Variants in CPED1 observed in about 807,000 individuals in gnomAD.
CPED1 encodes the protein cadherin like and PC-esterase domain containing 1.
In CPED1, 114 loss-of-function variants were observed where a neutral mutation model predicts 128.2. The observed-to-expected ratio is 0.89, with a 90% CI of 0.76 to 1.04. The LOEUF (loss-of-function observed/expected upper bound fraction) is 1.04. Ranked by LOEUF, CPED1 falls within the 50% of genes least tolerant of loss-of-function variation. The pLI is 0.00. For synonymous variants in CPED1, 462 were observed against 426.7 expected (o/e 1.08, Z -1.02); for missense variants, 1,211 against 1,207.1 (o/e 1.00, Z -0.05).
chr7:121,068,407 C>G (rs1793904404), intron 5 of CPED1, among the ~76,000 whole-genome samples: 1 of 151,856 alleles, frequency 6.6e-6, no homozygotes, highest in Non-Finnish European at 1.5e-5. Context: ...TCAGGTTTGT[C>G]AAAGATCAGA....
intron 17 of CPED1, among the ~76,000 whole-genome samples, chr7:121,237,806 A>G (rs1172092724): frequency 6.6e-6 from 1 of 152,120 alleles, no homozygotes; most frequent in Non-Finnish European, 1.5e-5. Flanking sequence ...GGCAGGACAA[A>G]TTGCAATTTG....
At chr7:121,140,247 A>G (rs1795870800) in intron 14 of CPED1, among the ~76,000 whole-genome samples, 1 of 151,968 alleles carries the variant, frequency 6.6e-6, no homozygotes, top group African/African-American at 2.4e-5. Context: ...CTTATACTTT[A>G]TGGTACTTTC....
chr7:121,007,231 A>ATTTTTTTTTTTTTTTTT (rs398006038), intron 2 of CPED1, among the ~76,000 whole-genome samples: 4 of 129,824 alleles, frequency 3.1e-5, no homozygotes, highest in African/African-American at 2.9e-5. Flanking sequence ...TTCAGGTTGC[A>ATTTTTTTTTTTTTTTTT]TTTTTTTTTT....
intron 11 of CPED1, among the ~76,000 whole-genome samples, chr7:121,129,374 G>A (rs1372130581): frequency 7.0e-6 from 1 of 143,778 alleles, no homozygotes; most frequent in Non-Finnish European, 1.5e-5. Context: ...ACTTGTATGA[G>A]TTTAATCAAC....
intron 16 of CPED1, among the ~76,000 whole-genome samples, chr7:121,156,431 C>G (rs1796282841): frequency 1.3e-5 from 2 of 152,152 alleles, no homozygotes; most frequent in Non-Finnish European, 2.9e-5. Context: ...GATATGGAAT[C>G]AACCTAAGTG....
At chr7:121,223,055 C>A (rs6963730) in intron 16 of CPED1, among the ~76,000 whole-genome samples, 89,621 of 151,948 alleles carry the variant, frequency 0.59, 27,112 homozygotes, top group East Asian at 0.88. Context: ...GGAATGCTTC[C>A]AGTTTTTGTC....
rs973526488 is a variant in CPED1 at position 121,065,971 on chromosome 7, T to A, written c.616+1658T>A. Among the ~76,000 whole-genome samples the A allele has an allele frequency of 2.6e-5, 4 of 152,102 alleles. No individual in the cohort carries two copies. The East Asian group carries it at 5.8e-4, about 22-fold the overall frequency. On this transcript the variant is annotated intron_variant, in intron 5 of 22. Transcript: ENST00000310396. ...CTTTAAAGAAATGTCTGCAGCATTA[T>A]TTTCTGATCTAAGTTTTATAAAGCG... is the stretch of plus-strand genomic sequence containing the variant.
intron 5 of CPED1, among the ~76,000 whole-genome samples, chr7:121,071,016 A>T (rs1409684089): frequency 6.6e-6 from 1 of 152,152 alleles, no homozygotes; most frequent in Non-Finnish European, 1.5e-5. Context: ...GGGCCTTGGC[A>T]TGTGACATAA....
At chr7:121,007,230 C>CTTTTTTTTTTTT (rs147867549) in intron 2 of CPED1, among the ~76,000 whole-genome samples, 2 of 115,848 alleles carry the variant, frequency 1.7e-5, no homozygotes, top group African/African-American at 3.2e-5. Context: ...GTTCAGGTTG[C>CTTTTTTTTTTTT]ATTTTTTTTT....
chr7:121,113,724 G>A (rs1453292205), intron 7 of CPED1, among the ~76,000 whole-genome samples: 2 of 152,094 alleles, frequency 1.3e-5, no homozygotes, highest in South Asian at 2.1e-4. Flanking sequence ...AAGATATACT[G>A]GAGACGAAAC....
intron 14 of CPED1, among the ~76,000 whole-genome samples, chr7:121,136,390 T>TTA (rs1795783353): frequency 6.6e-6 from 1 of 152,040 alleles, no homozygotes; most frequent in African/African-American, 2.4e-5. Flanking sequence ...CTTATCAGCT[T>TTA]TATATACTGA....
At position 121,134,014 on chromosome 7, in the gene CPED1, T is replaced by C; in HGVS notation, c.1648+121T>C. 5.5e-5 allele frequency: 34 copies of C among 615,734 alleles called. No individual in the cohort carries two copies. The South Asian group carries it at 7.1e-4, about 13-fold the overall frequency. The allele number at this position is 615,734 out of a possible 1,614,324, so 38.1% of individuals were successfully genotyped here. ...TGAAAATTAAATGAGGAAATGCTAT[T>C]TTCCCTTAAATTTGGAAAGGATTTT... On this transcript the variant is annotated intron_variant, in intron 13 of 22. Coordinates refer to ENST00000310396, the MANE Select transcript of CPED1 (RefSeq NM_024913.5).
chr7:121,045,015 G>C (rs1233734461), intron 3 of CPED1, among the ~76,000 whole-genome samples: 2 of 152,156 alleles, frequency 1.3e-5, no homozygotes, highest in African/African-American at 4.8e-5. Context: ...GATATAGAAT[G>C]AAACAGTCTT....
intron 16 of CPED1, among the ~76,000 whole-genome samples, chr7:121,163,355 A>G (rs984587670): frequency 1.3e-5 from 2 of 152,216 alleles, no homozygotes; most frequent in African/African-American, 4.8e-5. Flanking sequence ...TTCAAAACAT[A>G]TCTGGTAGCT....
chr7:121,206,911 ATTC>A (rs1404961728), intron 16 of CPED1, among the ~76,000 whole-genome samples: 1 of 152,044 alleles, frequency 6.6e-6, no homozygotes, highest in East Asian at 1.9e-4. Context: ...TTGAGGGCAT[ATTC>A]TTCAAGATTT....
intron 2 of CPED1, among the ~76,000 whole-genome samples, chr7:121,004,765 AG>A (rs34241305): frequency 0.5 from 75,718 of 152,056 alleles, 19,423 homozygotes; most frequent in South Asian, 0.65. Flanking sequence ...ATATTTTCTG[AG>A]CGATAAACAG....
intron 4 of CPED1, among the ~76,000 whole-genome samples, chr7:121,048,695 C>T (rs533503233): frequency 7.2e-5 from 11 of 152,208 alleles, no homozygotes; most frequent in Middle Eastern, 3.4e-3. Context: ...TGTACCACCA[C>T]GCCTGGCTAA....
intron 18 of CPED1, among the ~76,000 whole-genome samples, chr7:121,250,491 T>C (rs1019806257): frequency 2.0e-5 from 3 of 151,544 alleles, no homozygotes; most frequent in African/African-American, 7.3e-5. Context: ...CTGAAGGAAA[T>C]AGAGACACAA....
chr7:121,129,100 C>G (rs1303888440), intron 11 of CPED1, among the ~76,000 whole-genome samples: 1 of 151,244 alleles, frequency 6.6e-6, no homozygotes, highest in East Asian at 1.9e-4. Context: ...ATGTTTAATA[C>G]TTGTTTTCTT....
Sources: gnomAD v4.1 joint callset for allele counts (sites outside exome capture counted in the v4.1 genomes callset) on GRCh38, gnomAD v4.1.1 for gene constraint, MANE v1.5 for transcripts, NCBI Gene and HGNC (gene_info 2026-07-23, HGNC 2026-07-21) for gene names.